Variants in TPT1 observed in about 807,000 individuals in gnomAD.
TPT1 encodes the protein translationally-controlled tumor protein.
A neutral mutation model predicts 22.8 loss-of-function variants in TPT1; 5 were observed. The ratio of observed to expected loss-of-function variants is 0.22; its 90% CI spans 0.11 to 0.46. The LOEUF (loss-of-function observed/expected upper bound fraction) is 0.46, where lower values mean the gene tolerates loss of function less well. TPT1 is among the 20% of genes least tolerant of loss of function. The pLI, the probability that TPT1 is intolerant of heterozygous loss-of-function variation, is 0.99. For synonymous variants in TPT1, 89 were observed against 73.6 expected, an observed-to-expected ratio of 1.21 and a Z score of -1.07; for missense variants, 130 against 218.7, an observed-to-expected ratio of 0.59 and a Z score of 2.56.
Position 45,339,981 on chromosome 13 carries a change from C to T in TPT1, c.293+13G>A, listed in dbSNP as rs1189212272. 6.2e-7 allele frequency: 1 copy of T among 1,613,740 alleles called. No homozygotes were observed. The highest frequency in any genetic ancestry group is 1.7e-5 in the Admixed American group (1 of 59,990). ...ATTCTAGACATCAGCTAGGTACTGC[C>T]AGTATCACTTACGATTTCATGTAAT... is the stretch of plus-strand genomic sequence containing the variant. On this transcript the variant is annotated intron_variant, in intron 3 of 5. Transcript: ENST00000530705.
At chr13:45,339,154 A>G in intron 4 of TPT1, 1 of 302,162 alleles carries the variant, frequency 3.3e-6, no homozygotes, top group Non-Finnish European at 6.1e-6. Context: ...ATGAAGCTGG[A>G]AAATTAGAGG....
chr13:45,340,873 G>C (rs1879072039), intron 1 of TPT1, 88 bp from the exon 2 acceptor site: 9 of 1,458,090 alleles, frequency 6.2e-6, no homozygotes, highest in Admixed American at 2.8e-5. Context: ...CGCGGGATCT[G>C]CCCCTCCGTA....
At position 45,334,746 on chromosome 13, in the gene TPT1, A is replaced by G. The variant is rs1335561909; in HGVS notation, c.*2640T>C. On this transcript the variant is annotated 3_prime_UTR_variant, in exon 6 of 6. Transcript: ENST00000530705. ...AAGTGATCCTTTAAAAATTTGAGTC[A>G]TATCATGTAACTCTTCTGCTCAGAG... 1 of 152,210 alleles carries G rather than the reference A, an allele frequency of 6.6e-6. No individual in the cohort carries two copies. The highest frequency in any genetic ancestry group is 1.5e-5 in the Non-Finnish European group (1 of 68,052). The allele number at this position is 152,210 out of a possible 1,614,324, so 9.4% of individuals were successfully genotyped here.
intron 5 of TPT1, 57 bp from the exon 6 acceptor site, chr13:45,337,445 T>A (rs1294350447): frequency 1.2e-5 from 19 of 1,614,024 alleles, no homozygotes; most frequent in African/African-American, 2.7e-5. Context: ...AAAAGTTACA[T>A]TACCATTAAC....
At chr13:45,338,851 C>T (rs1006922404) in intron 4 of TPT1, 75 bp from the exon 5 acceptor site, 1 of 1,285,770 alleles carries the variant, frequency 7.8e-7, no homozygotes, top group Non-Finnish European at 1.1e-6. Context: ...AACTACAGTA[C>T]AAGGGAAGGT....
chr13:45,338,411 A>C (rs1259850345), intron 5 of TPT1: 1 of 624,704 alleles, frequency 1.6e-6, no homozygotes, highest in Non-Finnish European at 2.5e-6. Context: ...GAGCCACCAC[A>C]CCCAGCCTAA....
In TPT1 at chr13:45,335,968, C is replaced by T. The variant is rs1418158280; in HGVS notation, c.*1418G>A. On this transcript the variant is annotated 3_prime_UTR_variant, in exon 6 of 6. Coordinates refer to ENST00000530705, the MANE Select transcript of TPT1 (RefSeq NM_003295.4). The stretch of plus-strand genomic sequence containing the variant: ...CCAGAGTCACTGGCCTGCTTTTAAT[C>T]TTTCTTTTACAAGTGTAATCAACCA... 1 of 152,174 alleles carries T rather than the reference C, an allele frequency of 6.6e-6. No individual in the cohort carries two copies. Among genetic ancestry groups the T allele is most frequent in the Non-Finnish European group, 1.5e-5 (1 of 68,034 alleles). The allele number at this position is 152,174 out of a possible 1,614,324, so 9.4% of individuals were successfully genotyped here. A position where few individuals can be genotyped will look rare whatever the true frequency, so the allele number is the denominator to read the frequency against.
At position 45,340,797 on chromosome 13, in the gene TPT1, A is replaced by C; in HGVS notation, c.29-12T>G. 1 of 1,513,632 alleles carries C rather than the reference A, an allele frequency of 6.6e-7. No individual in the cohort carries two copies. Among genetic ancestry groups the C allele is most frequent in the Non-Finnish European group, 8.8e-7 (1 of 1,132,358 alleles). The allele number at this position is 1,513,632 out of a possible 1,614,324, so 93.8% of individuals were successfully genotyped here. On this transcript the variant is annotated splice_polypyrimidine_tract_variant and intron_variant, in intron 1 of 5. Coordinates refer to ENST00000530705, the MANE Select transcript of TPT1 (RefSeq NM_003295.4). ...GAACATCTCATCGTCTGCCGGATAC[A>C]CAGAGCCGCCCATCACCGTGCGCCT... is the stretch of plus-strand genomic sequence containing the variant.
chr13:45,341,136 G>A lies in TPT1; in HGVS notation c.-67C>T, dbSNP rs995628942. The A allele has an allele frequency of 3.8e-5, 60 of 1,595,772 alleles. No homozygotes were observed. The highest frequency in any genetic ancestry group is 5.2e-5 in the Admixed American group (3 of 57,360). ...CGAGCCTGAAACTCGGAGCGAGCGCGGTGCAGCCGGAGCGGCGCTCGGGGG... is the reference window on the plus strand; with the variant it reads ...CGAGCCTGAAACTCGGAGCGAGCGCAGTGCAGCCGGAGCGGCGCTCGGGGG... On this transcript the variant is annotated 5_prime_UTR_variant, in exon 1 of 6. Coordinates refer to ENST00000530705, the MANE Select transcript of TPT1 (RefSeq NM_003295.4).
chr13:45,337,615 C>T, intron 5 of TPT1: 1 of 1,557,296 alleles, frequency 6.4e-7, no homozygotes, highest in Non-Finnish European at 8.8e-7. Flanking sequence ...TGCAGAACAC[C>T]CTTACCAAAT....
Position 45,335,582 on chromosome 13 carries a change from GCCCT to G in TPT1, c.*1800_*1803del, listed in dbSNP as rs1878619234. ...CTGCTATCATTTCAGAGGACAAAAG[GCCCT>G]GTAGATGAGACTCACACTTTTCATT... is the stretch of plus-strand genomic sequence containing the variant. On this transcript the variant is annotated 3_prime_UTR_variant, in exon 6 of 6. Coordinates refer to ENST00000530705, the MANE Select transcript of TPT1 (RefSeq NM_003295.4). 6.6e-6 allele frequency: 1 copy of G among 152,094 alleles called. No individual in the cohort carries two copies. Among genetic ancestry groups the G allele is most frequent in the African/African-American group, 2.4e-5 (1 of 41,394 alleles). The allele number at this position is 152,094 out of a possible 1,614,324, so 9.4% of individuals were successfully genotyped here. A position where few individuals can be genotyped will look rare whatever the true frequency, so the allele number is the denominator to read the frequency against.
chr13:45,340,897 G>A (rs902594147), intron 1 of TPT1, 112 bp from the exon 2 acceptor site: 10 of 1,487,470 alleles, frequency 6.7e-6, no homozygotes, highest in Non-Finnish European at 3.6e-6. Context: ...CACCAGAGCT[G>A]GGCGCGAGCC....
intron 1 of TPT1, 103 bp downstream of exon 1, chr13:45,340,939 A>T: frequency 6.5e-7 from 1 of 1,540,542 alleles, no homozygotes. Flanking sequence ...CTCGGCTAAG[A>T]CCGCCGGCGT....
At chr13:45,339,010 G>C (rs569801400) in intron 4 of TPT1, 50 of 414,660 alleles carry the variant, frequency 1.2e-4, no homozygotes, top group South Asian at 7.5e-4. Flanking sequence ...AGGCTTTCAG[G>C]AAACCTTTAC....
chr13:45,337,522 CAGAA>C, intron 5 of TPT1, 134 bp from the exon 6 acceptor site: 1 of 1,613,624 alleles, frequency 6.2e-7, no homozygotes, highest in Non-Finnish European at 8.5e-7. Flanking sequence ...CAAAGACAGA[CAGAA>C]AGCGCAGGGA....
intron 3 of TPT1, 38 bp from the exon 4 acceptor site, chr13:45,339,640 T>C (rs770505611): frequency 8.6e-5 from 131 of 1,529,672 alleles, no homozygotes; most frequent in Middle Eastern, 5.2e-4. Context: ...AAGTATTGAA[T>C]TTTCAGTAAA....
At chr13:45,339,841 T>C (rs958501864) in intron 3 of TPT1, 153 bp downstream of exon 3, 5 of 892,818 alleles carry the variant, frequency 5.6e-6, no homozygotes, top group Non-Finnish European at 8.3e-6. Flanking sequence ...GCTCATATTA[T>C]AGAAAAGCAA....
At chr13:45,338,570 AACTC>A in intron 5 of TPT1, 86 bp downstream of exon 5, 2 of 1,543,176 alleles carry the variant, frequency 1.3e-6, no homozygotes, top group South Asian at 1.3e-5. Flanking sequence ...AACGCTGTAA[AACTC>A]ATTCTCAGTG....
At chr13:45,337,434 CA>C in intron 5 of TPT1, 46 bp from the exon 6 acceptor site, 1 of 1,614,130 alleles carries the variant, frequency 6.2e-7, no homozygotes, top group Non-Finnish European at 8.5e-7. Context: ...CATTACACTG[CA>C]AAAGTTACAT....
Sources: gnomAD v4.1 joint callset for allele counts on GRCh38, gnomAD v4.1.1 for gene constraint, MANE v1.5 for transcripts, NCBI Gene and HGNC (gene_info 2026-07-23, HGNC 2026-07-21) for gene names.